POU6F2: variants seen among roughly 807,000 people sequenced by gnomAD.
POU6F2 encodes POU domain, class 6, transcription factor 2.
Under a neutral mutation model 71.3 loss-of-function variants are expected in POU6F2, and 31 were observed. That is an observed-to-expected ratio of 0.43 (90% confidence interval 0.33 to 0.59). The LOEUF (loss-of-function observed/expected upper bound fraction) is 0.59, where lower values mean the gene tolerates loss of function less well. POU6F2 is among the 20% of genes least tolerant of loss of function. POU6F2 has a pLI of 0.04. For synonymous variants in POU6F2, 347 were observed against 355.7 expected, an observed-to-expected ratio of 0.98 and a Z score of 0.27; for missense variants, 783 against 856.8, an observed-to-expected ratio of 0.91 and a Z score of 1.07.
chr7:39,266,808 G>T (rs957180629), intron 4 of POU6F2, among the ~76,000 whole-genome samples: 1 of 144,954 alleles, frequency 6.9e-6, no homozygotes, highest in Non-Finnish European at 1.5e-5. Flanking sequence ...GGTAGTTAGC[G>T]TACTCATCAC....
intron 2 of POU6F2, among the ~76,000 whole-genome samples, chr7:39,123,322 G>A (rs1381111465): frequency 6.6e-6 from 1 of 152,196 alleles, no homozygotes; most frequent in Non-Finnish European, 1.5e-5. Flanking sequence ...AGGGAAAACT[G>A]AAAGGTTGGG....
intron 4 of POU6F2, among the ~76,000 whole-genome samples, chr7:39,247,892 T>G (rs984201374): frequency 6.6e-6 from 1 of 152,236 alleles, no homozygotes; most frequent in Non-Finnish European, 1.5e-5. Flanking sequence ...TCTTAGCATC[T>G]CTACAATCTT....
Position 39,211,072 on chromosome 7 carries a change from C to G in POU6F2, c.598+3452C>G, listed in dbSNP as rs540810254. On this transcript the variant is annotated intron_variant, in intron 4 of 9. Transcript: ENST00000518318. ...CCACCACAGAAGGTATGAGAGAACT[C>G]TCAGGGTTCCTTTTATAAAGGCACT... 3.1e-3 allele frequency among the ~76,000 whole-genome samples: 467 copies of G among 152,250 alleles called. 2 individuals are homozygous for G. Among genetic ancestry groups the G allele is most frequent in the African/African-American group, 0.01 (434 of 41,544 alleles).
intron 4 of POU6F2, among the ~76,000 whole-genome samples, chr7:39,288,765 T>C (rs1419591163): frequency 6.6e-6 from 1 of 152,186 alleles, no homozygotes; most frequent in East Asian, 1.9e-4. Context: ...TAGAAGACGC[T>C]CAGTCAATGT....
chr7:39,343,294 TCA>T (rs1785958787), intron 5 of POU6F2, among the ~76,000 whole-genome samples: 1 of 151,792 alleles, frequency 6.6e-6, no homozygotes, highest in African/African-American at 2.4e-5. Flanking sequence ...TTATTTTTGC[TCA>T]AACCCACAGT....
chr7:39,212,924 T>C (rs192501225), intron 4 of POU6F2, among the ~76,000 whole-genome samples: 1 of 152,264 alleles, frequency 6.6e-6, no homozygotes, highest in East Asian at 1.9e-4. Context: ...GAAATGAAGA[T>C]ATATACAGCC....
intron 1 of POU6F2, among the ~76,000 whole-genome samples, chr7:39,000,438 T>C (rs543802132): frequency 1.6e-4 from 24 of 152,076 alleles, no homozygotes; most frequent in Non-Finnish European, 3.1e-4. Context: ...CAGCCACTAA[T>C]ATCAGACTGC....
At chr7:39,255,036 T>C (rs556006222) in intron 4 of POU6F2, among the ~76,000 whole-genome samples, 1 of 152,342 alleles carries the variant, frequency 6.6e-6, no homozygotes, top group African/African-American at 2.4e-5. Flanking sequence ...AGTGTGAATA[T>C]CCTTTTATAT....
chr7:39,433,461 G>A (rs533127933), intron 7 of POU6F2, among the ~76,000 whole-genome samples, 178 bp downstream of exon 7: 1 of 152,164 alleles, frequency 6.6e-6, no homozygotes, highest in Non-Finnish European at 1.5e-5. Flanking sequence ...TAATGAATAT[G>A]GGTGATAACT....
chr7:38,993,979 C>A (rs1788673381), intron 1 of POU6F2, among the ~76,000 whole-genome samples: 1 of 152,092 alleles, frequency 6.6e-6, no homozygotes, highest in South Asian at 2.1e-4. Flanking sequence ...CTTGGTTGAA[C>A]AAACCTTTTG....
intron 1 of POU6F2, among the ~76,000 whole-genome samples, chr7:39,029,296 T>C: frequency 6.6e-6 from 1 of 152,278 alleles, no homozygotes; most frequent in South Asian, 2.1e-4. Context: ...ATGAAGATAA[T>C]TATGTGATCT....
chr7:39,194,512 C>T (rs1240123794), intron 2 of POU6F2, among the ~76,000 whole-genome samples: 1 of 151,958 alleles, frequency 6.6e-6, no homozygotes, highest in Non-Finnish European at 1.5e-5. Flanking sequence ...CCAATCAGCA[C>T]TCTGTAAAAA....
At chr7:39,194,857 C>T (rs1226119381) in intron 2 of POU6F2, among the ~76,000 whole-genome samples, 1 of 152,090 alleles carries the variant, frequency 6.6e-6, no homozygotes, top group East Asian at 1.9e-4. Flanking sequence ...CAATTCTGGA[C>T]GTGCCACCTT....
At chr7:39,392,310 A>C (rs957943840) in intron 5 of POU6F2, among the ~76,000 whole-genome samples, 13 of 152,220 alleles carry the variant, frequency 8.5e-5, no homozygotes, top group African/African-American at 3.1e-4. Flanking sequence ...TCCAGCCCCC[A>C]GAGTTTCTGA....
intron 2 of POU6F2, among the ~76,000 whole-genome samples, chr7:39,088,952 G>A (rs1328770911): frequency 1.3e-5 from 2 of 152,116 alleles, no homozygotes; most frequent in Admixed American, 1.3e-4. Context: ...GAACCACTGG[G>A]CCTTTTATGC....
chr7:39,370,673 C>G (rs1786588822), intron 5 of POU6F2, among the ~76,000 whole-genome samples: 1 of 152,182 alleles, frequency 6.6e-6, no homozygotes, highest in African/African-American at 2.4e-5. Context: ...GCCACGTTGC[C>G]CACATAGCTC....
chr7:39,274,118 C>T (rs1482010611), intron 4 of POU6F2, among the ~76,000 whole-genome samples: 3 of 151,930 alleles, frequency 2.0e-5, no homozygotes, highest in Non-Finnish European at 2.9e-5. Context: ...TAATTTGAAC[C>T]AGTCGTATAA....
chr7:39,287,541 T>C (rs972715168), intron 4 of POU6F2, among the ~76,000 whole-genome samples: 1 of 152,234 alleles, frequency 6.6e-6, no homozygotes, highest in Admixed American at 6.5e-5. Context: ...TGTTCATGTA[T>C]GCAGAGTACT....
At chr7:39,065,610 T>G (rs934206897) in intron 1 of POU6F2, among the ~76,000 whole-genome samples, 1 of 151,476 alleles carries the variant, frequency 6.6e-6, no homozygotes, top group Non-Finnish European at 1.5e-5. Flanking sequence ...ATGAGTGAGA[T>G]AGAAGATTTA....
Sources: gnomAD v4.1 joint callset for allele counts (sites outside exome capture counted in the v4.1 genomes callset) on GRCh38, gnomAD v4.1.1 for gene constraint, MANE v1.5 for transcripts, NCBI Gene and HGNC (gene_info 2026-07-23, HGNC 2026-07-21) for gene names.